SAMSN1: variants seen among roughly 807,000 people sequenced by gnomAD.
The protein encoded by SAMSN1 is SAM domain-containing protein SAMSN-1.
Under a neutral mutation model 42.0 loss-of-function variants are expected in SAMSN1, and 31 were observed. The observed-to-expected ratio is 0.74, with a 90% CI of 0.55 to 1.00. SAMSN1 has a LOEUF of 1.00. SAMSN1 is among the 50% of genes least tolerant of loss of function. The probability of loss-of-function intolerance (pLI) is 0.00; values close to 1 mark genes in which losing one functional copy is unlikely to be tolerated. For synonymous variants in SAMSN1, 178 were observed against 151.9 expected (o/e 1.17, Z -1.26); for missense variants, 464 against 439.4 (o/e 1.06, Z -0.50).
At chr21:14,649,333 T>G in intron 1 of SAMSN1, among the ~76,000 whole-genome samples, 3 of 149,428 alleles carry the variant, frequency 2.0e-5, no homozygotes, top group Non-Finnish European at 3.0e-5. Flanking sequence ...AGATGACGAG[T>G]TAGTGGGTGC....
intron 6 of SAMSN1, among the ~76,000 whole-genome samples, chr21:14,594,445 C>T (rs537364655): frequency 5.9e-5 from 9 of 152,110 alleles, no homozygotes; most frequent in East Asian, 5.8e-4. Context: ...GGGGGGATCC[C>T]GAATGTTTTA....
chr21:14,618,129 G>T (rs1036468761), intron 2 of SAMSN1, among the ~76,000 whole-genome samples: 8 of 152,302 alleles, frequency 5.3e-5, no homozygotes, highest in African/African-American at 1.9e-4. Flanking sequence ...CTTTGTTCTG[G>T]TTTTACTGGA....
chr21:14,635,995 G>A (rs1186547150), intron 2 of SAMSN1, among the ~76,000 whole-genome samples: 1 of 152,022 alleles, frequency 6.6e-6, no homozygotes, highest in African/African-American at 2.4e-5. Context: ...GGTGTGTGAT[G>A]TTCCCTGCCC....
chr21:14,604,258 C>G (rs1170358484), intron 5 of SAMSN1, among the ~76,000 whole-genome samples: 1 of 152,310 alleles, frequency 6.6e-6, no homozygotes, highest in East Asian at 1.9e-4. Context: ...TGGCCACAAC[C>G]ATGCCTCCCA....
At chr21:14,591,987 G>A (rs1008253264) in intron 7 of SAMSN1, 3 of 152,178 alleles carry the variant, frequency 2.0e-5, no homozygotes, top group African/African-American at 7.2e-5. Context: ...GGGAAGCCAA[G>A]ACTGCTTTTT....
chr21:14,602,842 T>C (rs1982470861), intron 5 of SAMSN1, among the ~76,000 whole-genome samples: 1 of 152,134 alleles, frequency 6.6e-6, no homozygotes, highest in African/African-American at 2.4e-5. Context: ...TTTTCTACTA[T>C]TCCTCATTCT....
intron 1 of SAMSN1, among the ~76,000 whole-genome samples, chr21:14,529,197 C>A (rs1303879357): frequency 6.6e-6 from 1 of 152,104 alleles, no homozygotes; most frequent in Non-Finnish European, 1.5e-5. Flanking sequence ...TCTTTTATTC[C>A]ACCTACTCAA....
chr21:14,488,654 A>C (rs897225438), intron 7 of SAMSN1, among the ~76,000 whole-genome samples: 1 of 152,168 alleles, frequency 6.6e-6, no homozygotes, highest in Non-Finnish European at 1.5e-5. Flanking sequence ...ATGTTCTCTA[A>C]ATTCTAGGAA....
intron 7 of SAMSN1, among the ~76,000 whole-genome samples, chr21:14,589,633 A>G (rs539715879): frequency 6.6e-6 from 1 of 152,212 alleles, no homozygotes; most frequent in East Asian, 1.9e-4. Flanking sequence ...TGATTTTATC[A>G]CTTCCTTTTA....
chr21:14,550,717 T>C (rs572871441), upstream of SAMSN1, among the ~76,000 whole-genome samples: 3 of 152,092 alleles, frequency 2.0e-5, no homozygotes, highest in Admixed American at 2.0e-4. Flanking sequence ...AGGGAGAATC[T>C]AAATTCATTT....
At chr21:14,571,959 A>G (rs909550189) in intron 2 of SAMSN1, among the ~76,000 whole-genome samples, 11 of 152,254 alleles carry the variant, frequency 7.2e-5, no homozygotes, top group African/African-American at 2.4e-4. Flanking sequence ...AATAATCTTA[A>G]AAACTACTGG....
At chr21:14,659,148 T>C (rs533323698), upstream of SAMSN1, among the ~76,000 whole-genome samples, 7 of 152,044 alleles carry the variant, frequency 4.6e-5, no homozygotes, top group East Asian at 3.9e-4. Context: ...CTCTTAAAAG[T>C]GGTAGGTCAA....
At chr21:14,556,416 T>C (rs888346936) in intron 2 of SAMSN1, among the ~76,000 whole-genome samples, 7 of 152,194 alleles carry the variant, frequency 4.6e-5, no homozygotes, top group African/African-American at 1.4e-4. Context: ...AAAAAATGTG[T>C]ATCACAGCTA....
At position 14,650,806 on chromosome 21, in the gene SAMSN1, A is replaced by C. The variant is rs143014135; in HGVS notation, c.25-7673T>G. On this transcript the variant is annotated intron_variant, in intron 1 of 15. Coordinates refer to the SAMSN1 transcript ENST00000647101. ...TTAGACAGACTGAAAAAAAGAGATA[A>C]AGCCCAAATAAATAAAATCAGAAAA... 3.5e-3 allele frequency among the ~76,000 whole-genome samples: 538 copies of C among 152,178 alleles called. 4 individuals are homozygous for C. Among genetic ancestry groups the C allele is most frequent in the African/African-American group, 0.012 (512 of 41,578 alleles).
At chr21:14,507,686 T>A (rs1203237733) in intron 5 of SAMSN1, among the ~76,000 whole-genome samples, 1 of 152,138 alleles carries the variant, frequency 6.6e-6, no homozygotes, top group Non-Finnish European at 1.5e-5. Context: ...CTTCACAGAA[T>A]TAGAAAAAAC....
At chr21:14,534,380 C>G (rs1979461597) in intron 1 of SAMSN1, among the ~76,000 whole-genome samples, 1 of 152,164 alleles carries the variant, frequency 6.6e-6, no homozygotes, top group Non-Finnish European at 1.5e-5. Flanking sequence ...TCAGCTACAT[C>G]CCCTGATCCT....
intron 3 of SAMSN1, 133 bp downstream of exon 3, chr21:14,516,759 T>C: frequency 1.5e-6 from 1 of 676,726 alleles, no homozygotes; most frequent in Non-Finnish European, 2.4e-6. Flanking sequence ...CCACCCAAGT[T>C]CTGGGCATAA....
chr21:14,568,797 T>C (rs1981198853), intron 2 of SAMSN1, among the ~76,000 whole-genome samples: 1 of 152,190 alleles, frequency 6.6e-6, no homozygotes, highest in South Asian at 2.1e-4. Context: ...GAATCTAGTG[T>C]CTTAAATCAT....
chr21:14,552,137 G>A (rs1980618783), intron 2 of SAMSN1, among the ~76,000 whole-genome samples: 1 of 152,006 alleles, frequency 6.6e-6, no homozygotes, highest in African/African-American at 2.4e-5. Context: ...AGTATCATGG[G>A]GACAAATCTG....
Sources: gnomAD v4.1 joint callset for allele counts (sites outside exome capture counted in the v4.1 genomes callset) on GRCh38, gnomAD v4.1.1 for gene constraint, MANE v1.5 for transcripts, NCBI Gene and HGNC (gene_info 2026-07-23, HGNC 2026-07-21) for gene names.